HELZ: variants seen among roughly 807,000 people sequenced by gnomAD.
HELZ encodes helicase with zinc finger, also known as ATP-dependent RNA helicase with zinc finger domain.
In HELZ, 23 loss-of-function variants were observed where a neutral mutation model predicts 218.2. The ratio of observed to expected loss-of-function variants is 0.11; its 90% confidence interval spans 0.08 to 0.15. HELZ has a LOEUF of 0.15. HELZ is among the 10% of genes least tolerant of loss of function. The probability of loss-of-function intolerance (pLI) is 1.00; values close to 1 mark genes in which losing one functional copy is unlikely to be tolerated. For synonymous variants in HELZ, 814 were observed against 829.4 expected, an observed-to-expected ratio of 0.98 and a Z score of 0.32; for missense variants, 1,813 against 2,353.7, an observed-to-expected ratio of 0.77 and a Z score of 4.75.
At chr17:67,220,234 G>A (rs1211062625) in intron 3 of HELZ, among the ~76,000 whole-genome samples, 2 of 152,246 alleles carry the variant, frequency 1.3e-5, no homozygotes, top group South Asian at 2.1e-4. Flanking sequence ...CAAGATGAGG[G>A]GAGAAAAGTC....
intron 20 of HELZ, among the ~76,000 whole-genome samples, chr17:67,147,326 A>G (rs1437514553): frequency 6.6e-6 from 1 of 152,150 alleles, no homozygotes; most frequent in Non-Finnish European, 1.5e-5. Flanking sequence ...ATATTCATCC[A>G]CAGTTCCTGG....
intron 7 of HELZ, among the ~76,000 whole-genome samples, chr17:67,196,570 TTGGATGGATGGATGGA>T (rs200704348): frequency 4.7e-5 from 6 of 127,896 alleles, no homozygotes; most frequent in Non-Finnish European, 6.1e-5. Flanking sequence ...GGTTGGTTAG[TTGGATGGATGGATGGA>T]TGGATGGATG....
At chr17:67,192,279 C>T (rs191466105) in intron 9 of HELZ, among the ~76,000 whole-genome samples, 63 of 152,050 alleles carry the variant, frequency 4.1e-4, no homozygotes, top group Non-Finnish European at 7.9e-4. Context: ...TGTTATATTA[C>T]AGACCATTTT....
chr17:67,104,518 A>G (rs186756093), intron 31 of HELZ, among the ~76,000 whole-genome samples: 2 of 152,202 alleles, frequency 1.3e-5, no homozygotes, highest in Admixed American at 1.3e-4. Flanking sequence ...GGTTTCTTGG[A>G]TATGACACCA....
In HELZ at chr17:67,148,767, T is replaced by C; in HGVS notation, c.2476-53A>G. 1.3e-6 allele frequency: 2 copies of C among 1,501,684 alleles called. 1 individual carries two copies. Among genetic ancestry groups the C allele is most frequent in the South Asian group, 2.6e-5 (2 of 75,620 alleles). The allele number at this position is 1,501,684 out of a possible 1,614,324, so 93.0% of individuals were successfully genotyped here. ...TTTAACTGAACATACAAATAGTATT[T>C]TTTAACCTACTTATAAAAAATCCAC... On this transcript the variant is annotated intron_variant, in intron 19 of 32. Coordinates refer to ENST00000358691, the MANE Select transcript of HELZ (RefSeq NM_014877.4).
At chr17:67,224,947 C>T (rs2040851058) in intron 3 of HELZ, 10 of 709,890 alleles carry the variant, frequency 1.4e-5, no homozygotes, top group Non-Finnish European at 5.3e-6. Flanking sequence ...GTGCGTTGAG[C>T]CCAAACAGAT....
rs2039806710 is a variant in HELZ at position 67,188,148 on chromosome 17, A to G, written c.1162+171T>C. 1 of 606,400 alleles carries G rather than the reference A, an allele frequency of 1.6e-6. No homozygotes were observed. Among genetic ancestry groups the G allele is most frequent in the Admixed American group, 3.2e-5 (1 of 31,358 alleles). The allele number at this position is 606,400 out of a possible 1,614,324, so 37.6% of individuals were successfully genotyped here. A position where few individuals can be genotyped will look rare whatever the true frequency, so the allele number is the denominator to read the frequency against. On this transcript the variant is annotated intron_variant, in intron 12 of 32. Coordinates refer to ENST00000358691, the MANE Select transcript of HELZ (RefSeq NM_014877.4). This position sits in a 1 kb window ranked among gnomAD's most constrained non-coding sequence, Gnocchi z 4.1. The stretch of plus-strand genomic sequence containing the variant: ...GGTGGCTCTGTGAAGAAATCAGGGC[A>G]CAGTGTGAATCATTATAAGCCCATT...
rs962198797 is a variant in HELZ at position 67,203,451 on chromosome 17, G to A, written c.248-8C>T. On this transcript the variant is annotated splice_region_variant and splice_polypyrimidine_tract_variant and intron_variant, in intron 5 of 32. Transcript: ENST00000358691. ...CCAGTCCTTCTCCCAGCACTGCCAT[G>A]AAAGAACAGCCATCATTAACCATAT... is the stretch of plus-strand genomic sequence containing the variant. 6.2e-7 allele frequency: 1 copy of A among 1,612,868 alleles called. No individual in the cohort carries two copies. The highest frequency in any genetic ancestry group is 1.3e-5 in the African/African-American group (1 of 74,876).
intron 21 of HELZ, among the ~76,000 whole-genome samples, chr17:67,143,169 C>A (rs1372060403): frequency 6.6e-6 from 1 of 152,102 alleles, no homozygotes; most frequent in Non-Finnish European, 1.5e-5. Context: ...GAGGCAAAAA[C>A]CACATTCTCC....
intron 23 of HELZ, among the ~76,000 whole-genome samples, chr17:67,129,076 A>G (rs925148030): frequency 1.2e-4 from 18 of 152,160 alleles, no homozygotes; most frequent in Non-Finnish European, 2.5e-4. Flanking sequence ...CATATAAAAC[A>G]GGCTCTCCAT....
Position 67,109,491 on chromosome 17 carries a change from G to C in HELZ, c.4114C>G (p.Pro1372Ala), listed in dbSNP as rs1487305468. Reference sequence around the variant, plus strand: ...AACAAGGTGTGCTGCTGTGGAATTGGAAAGGGTGGTCTTGGTAGCTGGGGA... The same window carrying C: ...AACAAGGTGTGCTGCTGTGGAATTGCAAAGGGTGGTCTTGGTAGCTGGGGA... Reference protein sequence around the residue: ...PLPQLPRPPFPIPQQHTLLNQ... With the variant: ...PLPQLPRPPFAIPQQHTLLNQ... The change falls in exon 29 of 33, where the codon CCA (proline) becomes GCA (alanine). Residue 1372 changes from proline to alanine, a missense_variant. Coordinates refer to ENST00000358691, the MANE Select transcript of HELZ (RefSeq NM_014877.4). 1.6e-5 allele frequency: 26 copies of C among 1,614,050 alleles called. No homozygotes were observed. The highest frequency in any genetic ancestry group is 2.0e-5 in the Non-Finnish European group (24 of 1,180,042).
intron 9 of HELZ, among the ~76,000 whole-genome samples, chr17:67,191,505 G>A (rs1051734762): frequency 2.0e-5 from 3 of 151,934 alleles, no homozygotes; most frequent in Admixed American, 6.6e-5. Flanking sequence ...AGGCTAGAGC[G>A]CAGTGGCACG....
rs373084260 is a variant in HELZ, at chr17:67,114,332, G to A, written c.3910C>T (p.Pro1304Ser). The change falls in exon 28 of 33, where the codon CCA (proline) becomes TCA (serine). Residue 1304 changes from proline to serine, a missense_variant. By Grantham distance (74) the Pro-to-Ser change is moderately conservative. This residue lies in a region of HELZ where 938 missense variants were observed against 1,027.5 expected (regional missense o/e 0.91). Transcript: ENST00000358691. ...GTAACTAAGCAGCATACCTGTTTTGGTTCTGTTGGCTTTTTCTCTGGTGTT... is the reference window on the plus strand; with the variant it reads ...GTAACTAAGCAGCATACCTGTTTTGATTCTGTTGGCTTTTTCTCTGGTGTT... ...IRTPEKKPTE[P>S]KQVDLESNPQ... 1.6e-5 allele frequency: 25 copies of A among 1,606,616 alleles called. No individual in the cohort carries two copies. The highest frequency in any genetic ancestry group is 2.0e-5 in the Non-Finnish European group (24 of 1,173,444).
At chr17:67,086,635 T>TAAATATATATAC (rs367713527) in intron 32 of HELZ, among the ~76,000 whole-genome samples, 194 bp downstream of exon 32, 3 of 80,006 alleles carry the variant, frequency 3.7e-5, no homozygotes, top group African/African-American at 1.2e-4. Flanking sequence ...AATATAAATA[T>TAAATATATATAC]ATATATATAT....
At chr17:67,170,835 A>G (rs1054743394) in intron 13 of HELZ, among the ~76,000 whole-genome samples, 1 of 151,906 alleles carries the variant, frequency 6.6e-6, no homozygotes, top group Non-Finnish European at 1.5e-5. Flanking sequence ...TCAAAAAAAA[A>G]AAAAAAGAGC....
Position 67,107,199 on chromosome 17 carries a change from T to C in HELZ, c.5211A>G (p.Val1737=). The C allele has an allele frequency of 6.2e-7, 1 of 1,614,132 alleles. No homozygotes were observed. The highest frequency in any genetic ancestry group is 8.5e-7 in the Non-Finnish European group (1 of 1,179,980). Residue 1737 remains valine, a synonymous_variant, in exon 31 of 33, where the codon GTA becomes GTG. Coordinates refer to ENST00000358691, the MANE Select transcript of HELZ (RefSeq NM_014877.4). The stretch of plus-strand genomic sequence containing the variant: ...CTAAGCTAGGGAGCGAAGAAGAAGA[T>C]ACTGTTCGAGATGACAATGGGTGAA... The part of the protein sequence containing the change: ...EPFHPLSSRT[V]SSSSLPSLEE...
intron 5 of HELZ, among the ~76,000 whole-genome samples, chr17:67,208,189 T>A (rs1270201727): frequency 1.3e-5 from 2 of 151,922 alleles, no homozygotes; most frequent in Admixed American, 6.6e-5. Context: ...GGTGGTTGAG[T>A]GTGACTCTAA....
chr17:67,120,724 C>T, intron 26 of HELZ, 112 bp from the exon 27 acceptor site: 1 of 673,498 alleles, frequency 1.5e-6, no homozygotes, highest in Non-Finnish European at 2.6e-6. Flanking sequence ...AACACACACA[C>T]ACACAGATGT....
At chr17:67,196,579 T>C (rs1051706322) in intron 7 of HELZ, among the ~76,000 whole-genome samples, 11 of 123,764 alleles carry the variant, frequency 8.9e-5, no homozygotes, top group African/African-American at 3.7e-4. Context: ...GTTGGATGGA[T>C]GGATGGATGG....
Sources: allele counts gnomAD v4.1 joint callset (sites outside exome capture counted in the v4.1 genomes callset), GRCh38; gene constraint gnomAD v4.1.1; regional missense constraint gnomAD v4.1.1; non-coding constraint Gnocchi (gnomAD v3.1); transcripts MANE v1.5; gene names NCBI Gene and HGNC (gene_info 2026-07-23, HGNC 2026-07-21).